The following PDE6A variants were observed in gnomAD, a reference collection of about 807,000 sequenced individuals.
The protein encoded by PDE6A is rod cGMP-specific 3',5'-cyclic phosphodiesterase subunit alpha.
PDE6A carries 84 observed loss-of-function variants against 106.3 expected under a neutral mutation model. That is an observed-to-expected ratio of 0.79 (90% CI 0.66 to 0.95). PDE6A has a LOEUF of 0.95. PDE6A is among the 40% of genes least tolerant of loss of function. PDE6A has a pLI of 0.00. For synonymous variants in PDE6A, 394 were observed against 386.6 expected, an observed-to-expected ratio of 1.02 and a Z score of -0.23; for missense variants, 1,052 against 1,084.9, an observed-to-expected ratio of 0.97 and a Z score of 0.43.
intron 4 of PDE6A, 55 bp from the exon 5 acceptor site, chr5:149,921,764 G>C: frequency 1.4e-6 from 2 of 1,398,670 alleles, no homozygotes; most frequent in Admixed American, 1.7e-5. Flanking sequence ...AAGGAAAGGA[G>C]ATTAAGATGT....
At chr5:149,866,045 A>G (rs1760318741) in intron 20 of PDE6A, 125 bp downstream of exon 20, 2 of 725,750 alleles carry the variant, frequency 2.8e-6, no homozygotes, top group Non-Finnish European at 2.5e-6. Context: ...GCCATTAGAG[A>G]TGAGAAGCGC....
chr5:149,940,476 C>A (rs1372346763), intron 1 of PDE6A, among the ~76,000 whole-genome samples: 1 of 151,340 alleles, frequency 6.6e-6, no homozygotes, highest in East Asian at 1.9e-4. Flanking sequence ...CACTAAGGAG[C>A]CCAAGACCAA....
intron 6 of PDE6A, among the ~76,000 whole-genome samples, chr5:149,913,747 G>A (rs1753462402): frequency 1.3e-5 from 2 of 152,202 alleles, no homozygotes; most frequent in South Asian, 4.1e-4. Flanking sequence ...TCTCAGGACA[G>A]AACCATGGAT....
chr5:149,913,530 G>A (rs1429469339), intron 6 of PDE6A, among the ~76,000 whole-genome samples: 1 of 152,092 alleles, frequency 6.6e-6, no homozygotes, highest in Non-Finnish European at 1.5e-5. Context: ...TGTTTATCTG[G>A]GTGACGGGAT....
chr5:149,898,635 GC>G, intron 9 of PDE6A, 129 bp from the exon 10 acceptor site: 1 of 880,750 alleles, frequency 1.1e-6, no homozygotes, highest in South Asian at 1.5e-5. Context: ...GCTGTGTGCT[GC>G]CCACCTTGCG....
Position 149,944,660 on chromosome 5 carries a change from G to C in PDE6A, c.14C>G (p.Thr5Arg). 6.2e-7 allele frequency: 1 copy of C among 1,609,100 alleles called. No homozygotes were observed. Reference protein sequence around the residue: MGEVTAEEVEKFLDS... With the variant: MGEVRAEEVEKFLDS... Reference sequence around the variant, plus strand: ...CAGGAACTTCTCCACCTCCTCTGCTGTCACCTCGCCCATGGCTGGGAATCC... The same window carrying C: ...CAGGAACTTCTCCACCTCCTCTGCTCTCACCTCGCCCATGGCTGGGAATCC... The change falls in exon 1 of 22, where the codon ACA (threonine) becomes AGA (arginine). Residue 5 changes from threonine to arginine, a missense_variant. Physicochemically the swap from Thr to Arg is moderately conservative, Grantham distance 71. Transcript: ENST00000255266.
chr5:149,931,669 A>G (rs1226841262), intron 3 of PDE6A, among the ~76,000 whole-genome samples: 3 of 152,222 alleles, frequency 2.0e-5, no homozygotes, highest in African/African-American at 4.8e-5. Context: ...TATTAACAAA[A>G]CTGCTTACAG....
intron 4 of PDE6A, among the ~76,000 whole-genome samples, chr5:149,922,167 C>T (rs1183905559): frequency 6.6e-6 from 1 of 152,074 alleles, no homozygotes; most frequent in Non-Finnish European, 1.5e-5. Context: ...AATGATGTTA[C>T]AGACGTGTGT....
At chr5:149,875,393 T>G (rs1205093528) in intron 17 of PDE6A, among the ~76,000 whole-genome samples, 2 of 152,194 alleles carry the variant, frequency 1.3e-5, no homozygotes, top group African/African-American at 4.8e-5. Flanking sequence ...TGAAAAGTGC[T>G]ACCTTCTTGC....
chr5:149,886,129 C>T (rs571404597), intron 14 of PDE6A, 136 bp downstream of exon 14: 45 of 714,930 alleles, frequency 6.3e-5, no homozygotes, highest in Admixed American at 1.0e-4. Flanking sequence ...GGAGGAGACC[C>T]GGATCCCAAG....
In PDE6A at chr5:149,868,015, G is replaced by C. The variant is rs1442407801; in HGVS notation, c.2199+80C>G. ...CACAGGTGAGCTGGTTCTGGAGCTG[G>C]GCTGAGAGAGTCCAAGCCTCATGAC... On this transcript the variant is annotated intron_variant, in intron 18 of 21. Coordinates refer to ENST00000255266, the MANE Select transcript of PDE6A (RefSeq NM_000440.3). The C allele has an allele frequency of 2.9e-6, 4 of 1,395,934 alleles. No individual in the cohort carries two copies. In the Admixed American group the frequency reaches 5.0e-5, roughly 18 times the overall value. The allele number at this position is 1,395,934 out of a possible 1,614,324, so 86.5% of individuals were successfully genotyped here.
chr5:149,877,959 C>T (rs1292536411), intron 17 of PDE6A, among the ~76,000 whole-genome samples: 1 of 152,154 alleles, frequency 6.6e-6, no homozygotes, highest in East Asian at 1.9e-4. Context: ...GGAGCCGATC[C>T]CCTGAGTATA....
chr5:149,924,096 G>T (rs1423193514), intron 4 of PDE6A, among the ~76,000 whole-genome samples: 2 of 152,218 alleles, frequency 1.3e-5, no homozygotes, highest in Non-Finnish European at 2.9e-5. Context: ...ATATAACCAG[G>T]CCCTACCTGA....
rs754220779 is a variant in PDE6A at position 149,899,542 on chromosome 5, G to T, written c.1114-18C>A. On this transcript the variant is annotated intron_variant, in intron 8 of 21. Coordinates refer to ENST00000255266, the MANE Select transcript of PDE6A (RefSeq NM_000440.3). The stretch of plus-strand genomic sequence containing the variant: ...GGTTCTTTCTACAAGAGAAGGGCTA[G>T]ATTAGGTTTCCTCTTGTTTCAGGCC... 1.1e-5 allele frequency: 18 copies of T among 1,613,398 alleles called. No homozygotes were observed. Among genetic ancestry groups the T allele is most frequent in the Non-Finnish European group, 1.5e-5 (18 of 1,179,416 alleles).
rs536166176 is a variant in PDE6A at position 149,919,463 on chromosome 5, A to G, written c.933+2172T>C. On this transcript the variant is annotated intron_variant, in intron 5 of 21. Coordinates refer to ENST00000255266, the MANE Select transcript of PDE6A (RefSeq NM_000440.3). ...GCGGAGGTTGCAGTGAGCTGAGATC[A>G]TGCCACTGCACTCCAGCCTGGGCAA... Among the ~76,000 whole-genome samples the G allele has an allele frequency of 2.6e-5, 4 of 152,294 alleles. No homozygotes were observed. In the South Asian group the frequency reaches 6.2e-4, roughly 24 times the overall value.
chr5:149,867,484 G>T, intron 19 of PDE6A: 1 of 602,912 alleles, frequency 1.7e-6, no homozygotes, highest in Non-Finnish European at 3.0e-6. Flanking sequence ...CATTGCAGGG[G>T]CCCACCCCCA....
intron 8 of PDE6A, among the ~76,000 whole-genome samples, chr5:149,903,005 T>C (rs1753037951): frequency 6.6e-6 from 1 of 151,134 alleles, no homozygotes; most frequent in African/African-American, 2.4e-5. Context: ...CTGAGGCCAG[T>C]CAGGCATAGT....
At chr5:149,915,108 C>T in intron 5 of PDE6A, 101 bp from the exon 6 acceptor site, 1 of 686,670 alleles carries the variant, frequency 1.5e-6, no homozygotes. Context: ...GATCTCAGCT[C>T]ACTGCAACCT....
chr5:149,915,340 G>GT (rs1753519796), intron 5 of PDE6A, among the ~76,000 whole-genome samples: 1 of 152,278 alleles, frequency 6.6e-6, no homozygotes, highest in African/African-American at 2.4e-5. Context: ...TCAAATAGAA[G>GT]TTCAACAGGA....
Sources: gnomAD v4.1 joint callset for allele counts (sites outside exome capture counted in the v4.1 genomes callset) on GRCh38, gnomAD v4.1.1 for gene constraint, MANE v1.5 for transcripts, NCBI Gene and HGNC (gene_info 2026-07-23, HGNC 2026-07-21) for gene names.